The following STXBP4 variants were observed in gnomAD, a reference collection of about 807,000 sequenced individuals.
STXBP4 encodes the protein syntaxin binding protein 4.
A neutral mutation model predicts 76.1 loss-of-function variants in STXBP4; 55 were observed. The ratio of observed to expected loss-of-function variants is 0.72; its 90% CI spans 0.58 to 0.91. STXBP4 has a LOEUF of 0.91. STXBP4 is among the 40% of genes least tolerant of loss of function. The pLI is 0.00. For synonymous variants in STXBP4, 201 were observed against 220.2 expected (o/e 0.91, Z 0.77); for missense variants, 618 against 636.9 (o/e 0.97, Z 0.32).
chr17:55,159,800 T>C lies in STXBP4; in HGVS notation c.1551T>C (p.His517=), dbSNP rs1177881077. The C allele has an allele frequency of 3.6e-5, 58 of 1,601,772 alleles. No homozygotes were observed. Among genetic ancestry groups the C allele is most frequent in the Non-Finnish European group, 4.9e-5 (57 of 1,169,454 alleles). The change falls in exon 18 of 18, where the codon CAT becomes CAC. Residue 517 remains histidine, a synonymous_variant. Coordinates refer to ENST00000376352, the MANE Select transcript of STXBP4 (RefSeq NM_178509.6). ...TTGCATTCTTGTTCTTCTCAAGTCA[T>C]GTAACACAGACTACATCCTGGATCC... ...TADGIKYFIN[H]VTQTTSWIHP...
At chr17:55,176,210 ACT>A (rs1422396223), downstream of STXBP4, among the ~76,000 whole-genome samples, 1 of 152,206 alleles carries the variant, frequency 6.6e-6, no homozygotes, top group African/African-American at 2.4e-5. Flanking sequence ...AAGAAGGCAA[ACT>A]CAGCACAGGG....
intron 16 of STXBP4, among the ~76,000 whole-genome samples, chr17:55,121,260 T>C (rs1567771492): frequency 6.6e-6 from 1 of 152,108 alleles, no homozygotes. Context: ...TGAGAAAAAA[T>C]ATTTTAAAAT....
At chr17:55,135,761 A>G (rs1055550279) in intron 16 of STXBP4, among the ~76,000 whole-genome samples, 1 of 152,194 alleles carries the variant, frequency 6.6e-6, no homozygotes, top group Non-Finnish European at 1.5e-5. Flanking sequence ...CTTTTAAAAG[A>G]ACATTGCTCT....
chr17:55,055,361 A>G (rs886343636), intron 12 of STXBP4, among the ~76,000 whole-genome samples: 2 of 152,170 alleles, frequency 1.3e-5, no homozygotes, highest in African/African-American at 2.4e-5. Flanking sequence ...TCTTTCTTTC[A>G]TACTCCATAA....
At chr17:55,126,959 C>T (rs1490225661) in intron 16 of STXBP4, among the ~76,000 whole-genome samples, 1 of 152,166 alleles carries the variant, frequency 6.6e-6, no homozygotes, top group Non-Finnish European at 1.5e-5. Context: ...TGGGATTGCA[C>T]ATACTACTGG....
chr17:55,057,666 T>C (rs186796206), intron 12 of STXBP4, among the ~76,000 whole-genome samples: 8 of 152,264 alleles, frequency 5.3e-5, no homozygotes, highest in African/African-American at 1.2e-4. Flanking sequence ...TTTTAAGCCT[T>C]GCATGCAGTA....
At chr17:55,024,451 A>G (rs1198925713) in intron 8 of STXBP4, among the ~76,000 whole-genome samples, 2 of 152,244 alleles carry the variant, frequency 1.3e-5, no homozygotes, top group South Asian at 2.1e-4. Context: ...CCTCTCTGCT[A>G]TAGCAGGCAG....
At chr17:55,159,614 A>T (rs12453439) in intron 17 of STXBP4, among the ~76,000 whole-genome samples, 183 bp from the exon 18 acceptor site, 1 of 152,224 alleles carries the variant, frequency 6.6e-6, no homozygotes, top group Admixed American at 6.5e-5. Context: ...AGAAAGAAAG[A>T]AATGGTTTTC....
At chr17:55,082,348 G>C (rs1438067328) in intron 16 of STXBP4, among the ~76,000 whole-genome samples, 1 of 152,166 alleles carries the variant, frequency 6.6e-6, no homozygotes, top group Admixed American at 6.5e-5. Context: ...AAGTTCTGAA[G>C]AGAAGAAAGT....
chr17:55,132,237 G>T (rs1430678804), intron 16 of STXBP4, among the ~76,000 whole-genome samples: 1 of 152,184 alleles, frequency 6.6e-6, no homozygotes, highest in African/African-American at 2.4e-5. Context: ...TGTCCCCCAG[G>T]ATGGAGTATA....
At chr17:55,071,063 C>A (rs2079113992) in intron 12 of STXBP4, among the ~76,000 whole-genome samples, 1 of 152,164 alleles carries the variant, frequency 6.6e-6, no homozygotes, top group Non-Finnish European at 1.5e-5. Context: ...ACCACTATCA[C>A]CCTTATTGAA....
chr17:55,117,599 G>GA (rs11452679), intron 16 of STXBP4, among the ~76,000 whole-genome samples: 92,114 of 146,970 alleles, frequency 0.63, 29,067 homozygotes, highest in African/African-American at 0.75. Context: ...TGCACTAATC[G>GA]AAAAAAAAAA....
Position 55,001,015 on chromosome 17 carries a change from AAATAATGTCTTTCC to A in STXBP4, c.574+133_574+146del, listed in dbSNP as rs1429739951. 2.8e-5 allele frequency: 17 copies of A among 596,530 alleles called. No individual in the cohort carries two copies. The African/African-American group carries it at 3.1e-4, about 11-fold the overall frequency. 37.0% of individuals were successfully genotyped at this position (596,530 alleles called of 1,614,324 possible). On this transcript the variant is annotated intron_variant, in intron 7 of 17. Coordinates refer to ENST00000376352, the MANE Select transcript of STXBP4 (RefSeq NM_178509.6). Reference sequence around the variant, plus strand: ...GTTCCTTCAGTGAACGAAAAAGTAAAAATAATGTCTTTCCGTTGGGCCCTGTTAAAGTATGACTT... The same window carrying A: ...GTTCCTTCAGTGAACGAAAAAGTAAAGTTGGGCCCTGTTAAAGTATGACTT...
At chr17:54,991,234 T>C (rs1885037541) in intron 4 of STXBP4, 1 of 182,618 alleles carries the variant, frequency 5.5e-6, no homozygotes, top group South Asian at 1.9e-4. Flanking sequence ...TGTATCTGAT[T>C]GAGAGAAATT....
At chr17:55,013,472 G>C (rs532484744) in intron 8 of STXBP4, among the ~76,000 whole-genome samples, 1 of 152,318 alleles carries the variant, frequency 6.6e-6, no homozygotes, top group African/African-American at 2.4e-5. Flanking sequence ...TTATGCCAAG[G>C]AACTCTCTTA....
In STXBP4 at chr17:55,169,343, T is replaced by C. The variant is rs1410404671; in HGVS notation, c.*9432T>C. The C allele has an allele frequency of 8.1e-6, 1 of 123,692 alleles. No homozygotes were observed. The highest frequency in any genetic ancestry group is 3.1e-5 in the African/African-American group (1 of 32,784). 7.7% of individuals were successfully genotyped at this position (123,692 alleles called of 1,614,324 possible). A position where few individuals can be genotyped will look rare whatever the true frequency, so the allele number is the denominator to read the frequency against. On this transcript the variant is annotated 3_prime_UTR_variant, in exon 18 of 18. Coordinates refer to ENST00000376352, the MANE Select transcript of STXBP4 (RefSeq NM_178509.6). Reference sequence around the variant, plus strand: ...AGAGAACCCAGAGTATTTATACCTCTGCACCATCAGTTATTGAATGGGGGT... The same window carrying C: ...AGAGAACCCAGAGTATTTATACCTCCGCACCATCAGTTATTGAATGGGGGT...
chr17:55,202,844 G>T, the STXBP4 span, among the ~76,000 whole-genome samples: 1 of 152,242 alleles, frequency 6.6e-6, no homozygotes, highest in South Asian at 2.1e-4. Context: ...CTTCAAGGTT[G>T]TTCAATCTTT....
Position 55,036,333 on chromosome 17 carries a change from G to A in STXBP4, c.855+2074G>A, listed in dbSNP as rs1288589445. Among the ~76,000 whole-genome samples the A allele has an allele frequency of 2.6e-5, 4 of 151,354 alleles. No homozygotes were observed. In the East Asian group the frequency reaches 7.7e-4, roughly 29 times the overall value. ...CTGTGAACATGTTATGGCTTCTCAT[G>A]TATTTATATCTTCTTTGATGTCAAT... On this transcript the variant is annotated intron_variant, in intron 10 of 17. Coordinates refer to ENST00000376352, the MANE Select transcript of STXBP4 (RefSeq NM_178509.6).
Position 55,047,165 on chromosome 17 carries a change from G to T in STXBP4, c.1011+11G>T, listed in dbSNP as rs764265291. On this transcript the variant is annotated intron_variant, in intron 12 of 17. Transcript: ENST00000376352. ...CAGAATGTGAAACAAGTAAGTATAT[G>T]TATTGTGTATATATGTGCTCGTGTG... 3.9e-6 allele frequency: 6 copies of T among 1,524,258 alleles called. No individual in the cohort carries two copies. The highest frequency in any genetic ancestry group is 5.4e-6 in the Non-Finnish European group (6 of 1,105,788). The allele number at this position is 1,524,258 out of a possible 1,614,324, so 94.4% of individuals were successfully genotyped here. A position where few individuals can be genotyped will look rare whatever the true frequency, so the allele number is the denominator to read the frequency against.
Sources: gnomAD v4.1 joint callset for allele counts (sites outside exome capture counted in the v4.1 genomes callset) on GRCh38, gnomAD v4.1.1 for gene constraint, MANE v1.5 for transcripts, NCBI Gene and HGNC (gene_info 2026-07-23, HGNC 2026-07-21) for gene names.